The following VWC2L variants were observed in gnomAD, a reference collection of about 807,000 sequenced individuals.
VWC2L encodes the protein von Willebrand factor C domain containing 2 like.
Under a neutral mutation model 21.6 loss-of-function variants are expected in VWC2L, and 10 were observed. The observed-to-expected ratio is 0.46, with a 90% CI of 0.29 to 0.78. The LOEUF (loss-of-function observed/expected upper bound fraction) is 0.78. Among genes scored for constraint, VWC2L ranks in the 30% least tolerant of loss-of-function variants. The pLI is 0.10. For synonymous variants in VWC2L, 96 were observed against 94.3 expected (o/e 1.02, Z -0.10); for missense variants, 209 against 277.1 (o/e 0.75, Z 1.74).
intron 3 of VWC2L, among the ~76,000 whole-genome samples, chr2:214,549,003 G>A (rs1417616385): frequency 2.6e-5 from 4 of 152,146 alleles, no homozygotes; most frequent in African/African-American, 9.7e-5. Flanking sequence ...TGGCAAGACT[G>A]CTGCATTTGT....
Position 214,424,755 on chromosome 2 carries a change from C to G in VWC2L, c.390+10172C>G, listed in dbSNP as rs368851144. 1.3e-4 allele frequency among the ~76,000 whole-genome samples: 20 copies of G among 152,218 alleles called. No individual in the cohort carries two copies. The East Asian group carries it at 3.7e-3, about 28-fold the overall frequency. ...TATTTTTCTAATGATTCAAGATAGG[C>G]TAATTCCTTTGACTTTTATGAGCAG... On this transcript the variant is annotated intron_variant, in intron 2 of 3. Coordinates refer to ENST00000312504, the MANE Select transcript of VWC2L (RefSeq NM_001080500.4).
chr2:214,423,736 A>T (rs1044697401), intron 2 of VWC2L, among the ~76,000 whole-genome samples: 1 of 152,134 alleles, frequency 6.6e-6, no homozygotes, highest in Non-Finnish European at 1.5e-5. Flanking sequence ...CTAAAACAGA[A>T]AAATTATGTA....
At chr2:214,486,515 C>T (rs1346720693) in intron 3 of VWC2L, among the ~76,000 whole-genome samples, 1 of 152,098 alleles carries the variant, frequency 6.6e-6, no homozygotes, top group Non-Finnish European at 1.5e-5. Flanking sequence ...CTCAGAACAG[C>T]CCCTTACTGC....
At position 214,509,435 on chromosome 2, in the gene VWC2L, T is replaced by C. The variant is rs189895642; in HGVS notation, c.521-66237T>C. Among the ~76,000 whole-genome samples, 377 of 149,376 alleles carry C rather than the reference T, an allele frequency of 2.5e-3. 3 individuals carry two copies. Among genetic ancestry groups the C allele is most frequent in the Non-Finnish European group, 4.5e-3 (302 of 67,464 alleles). ...TATACCCCAAGACAGAATTTTTTTT[T>C]CTACTTCTCTAAAGAAAAACTTTGC... On this transcript the variant is annotated intron_variant, in intron 3 of 3. Transcript: ENST00000312504.
chr2:214,469,170 G>A (rs958714838), intron 3 of VWC2L, among the ~76,000 whole-genome samples: 6 of 152,070 alleles, frequency 3.9e-5, no homozygotes, highest in Admixed American at 1.3e-4. Context: ...ATAAAAGAAC[G>A]TTCCATACAT....
intron 3 of VWC2L, among the ~76,000 whole-genome samples, chr2:214,524,541 G>T (rs1689296827): frequency 6.6e-6 from 1 of 152,142 alleles, no homozygotes; most frequent in Non-Finnish European, 1.5e-5. Flanking sequence ...AACCCAGTTT[G>T]GATTCTAACC....
intron 2 of VWC2L, among the ~76,000 whole-genome samples, chr2:214,424,233 A>T (rs1369961519): frequency 2.0e-5 from 3 of 152,184 alleles, no homozygotes; most frequent in East Asian, 3.8e-4. Flanking sequence ...AAGGAATGCT[A>T]GCATCCTGTG....
chr2:214,522,101 C>A (rs181355000), intron 3 of VWC2L, among the ~76,000 whole-genome samples: 45 of 152,226 alleles, frequency 3.0e-4, no homozygotes, highest in African/African-American at 8.9e-4. Context: ...TTTGGCCGGG[C>A]GCGGTGGCTC....
At chr2:214,432,114 C>A (rs191320391) in intron 2 of VWC2L, among the ~76,000 whole-genome samples, 4 of 152,112 alleles carry the variant, frequency 2.6e-5, no homozygotes, top group Non-Finnish European at 1.5e-5. Flanking sequence ...ATCATTTTCA[C>A]GCATAATGAA....
chr2:214,510,666 G>A (rs1689038395), intron 3 of VWC2L, among the ~76,000 whole-genome samples: 1 of 152,138 alleles, frequency 6.6e-6, no homozygotes, highest in African/African-American at 2.4e-5. Context: ...ATAAAGCCTA[G>A]TGACTCCTCC....
chr2:214,513,220 C>T (rs1270804327), intron 3 of VWC2L, among the ~76,000 whole-genome samples: 1 of 152,076 alleles, frequency 6.6e-6, no homozygotes, highest in African/African-American at 2.4e-5. Flanking sequence ...CCAGGAATGT[C>T]TCCTCAATCA....
chr2:214,508,122 G>A (rs374238132), intron 3 of VWC2L, among the ~76,000 whole-genome samples: 3 of 151,890 alleles, frequency 2.0e-5, no homozygotes, highest in Admixed American at 6.6e-5. Context: ...GACTATAAGC[G>A]CCCACCACCG....
intron 3 of VWC2L, among the ~76,000 whole-genome samples, chr2:214,502,751 T>G (rs1688912337): frequency 6.6e-6 from 1 of 152,206 alleles, no homozygotes; most frequent in East Asian, 1.9e-4. Flanking sequence ...TCCTTGTTTA[T>G]TCTTAGAAAT....
chr2:214,511,904 C>G (rs1485572205), intron 3 of VWC2L, among the ~76,000 whole-genome samples: 1 of 105,180 alleles, frequency 9.5e-6, no homozygotes, highest in Non-Finnish European at 1.9e-5. Context: ...ATATACTTTA[C>G]TTTATATATA....
intron 3 of VWC2L, among the ~76,000 whole-genome samples, chr2:214,492,946 G>C (rs759785666): frequency 6.6e-6 from 1 of 152,120 alleles, no homozygotes; most frequent in Non-Finnish European, 1.5e-5. Context: ...AGGTTTCATT[G>C]GTCAAAGCTA....
chr2:214,440,151 C>G (rs1702742565), intron 3 of VWC2L, among the ~76,000 whole-genome samples: 1 of 151,820 alleles, frequency 6.6e-6, no homozygotes, highest in African/African-American at 2.4e-5. Context: ...GTACCAAGAA[C>G]AGTCTATCGA....
chr2:214,540,284 T>C, intron 3 of VWC2L, among the ~76,000 whole-genome samples: 1 of 152,158 alleles, frequency 6.6e-6, no homozygotes, highest in East Asian at 1.9e-4. Flanking sequence ...GCATTAATCT[T>C]TCTTAAACTT....
intron 3 of VWC2L, among the ~76,000 whole-genome samples, chr2:214,563,839 G>T (rs1001628837): frequency 3.3e-5 from 5 of 152,242 alleles, no homozygotes; most frequent in Non-Finnish European, 5.9e-5. Context: ...GTTCTGGCCA[G>T]GGAACTCTGA....
chr2:214,412,710 A>C (rs905235809), intron 1 of VWC2L, among the ~76,000 whole-genome samples: 1 of 152,066 alleles, frequency 6.6e-6, no homozygotes, highest in East Asian at 1.9e-4. Flanking sequence ...ATCTACCTTA[A>C]AATGCAAATA....
Sources: gnomAD v4.1 joint callset for allele counts (sites outside exome capture counted in the v4.1 genomes callset) on GRCh38, gnomAD v4.1.1 for gene constraint, MANE v1.5 for transcripts, NCBI Gene and HGNC (gene_info 2026-07-23, HGNC 2026-07-21) for gene names.